The following STPG2 variants were observed in gnomAD, a reference collection of about 807,000 sequenced individuals.
The protein encoded by STPG2 is sperm-tail PG-rich repeat-containing protein 2.
A neutral mutation model predicts 54.2 loss-of-function variants in STPG2; 56 were observed. That is an observed-to-expected ratio of 1.03 (90% CI 0.83 to 1.29). The LOEUF is 1.29. Among genes scored for constraint, STPG2 ranks in the 50% most tolerant of loss-of-function variants. STPG2 has a pLI of 0.00. For missense variants in STPG2, 596 were observed against 544.9 expected (o/e 1.09, Z -0.93); for synonymous variants, 200 against 181.8 (o/e 1.10, Z -0.81).
intron 9 of STPG2, among the ~76,000 whole-genome samples, chr4:97,810,083 A>C (rs1325582204): frequency 6.6e-6 from 1 of 152,228 alleles, no homozygotes; most frequent in Non-Finnish European, 1.5e-5. Flanking sequence ...CAGAAATAAC[A>C]CATAAATTAA....
downstream of STPG2, among the ~76,000 whole-genome samples, chr4:97,557,856 A>G (rs1195218028): frequency 6.6e-6 from 1 of 152,222 alleles, no homozygotes; most frequent in Non-Finnish European, 1.5e-5. Context: ...GCAGATACTA[A>G]GAGTTTCTTG....
intron 5 of STPG2, among the ~76,000 whole-genome samples, chr4:98,019,732 C>A (rs1421621835): frequency 8.0e-6 from 1 of 125,316 alleles, no homozygotes; most frequent in Middle Eastern, 4.3e-3. Context: ...AGGTCCTTCA[C>A]GTCCCTCGTA....
At chr4:97,459,053 C>T (rs934073186) in intron 4 of STPG2, among the ~76,000 whole-genome samples, 11 of 151,770 alleles carry the variant, frequency 7.2e-5, no homozygotes, top group Non-Finnish European at 1.3e-4. Context: ...GAGATACATG[C>T]GAAAGTATTT....
intron 8 of STPG2, among the ~76,000 whole-genome samples, chr4:97,914,275 C>G (rs1014846606): frequency 6.6e-6 from 1 of 152,100 alleles, no homozygotes; most frequent in African/African-American, 2.4e-5. Flanking sequence ...TGAGGATTCT[C>G]TGAAGCCCAA....
At chr4:97,927,683 C>A (rs1732387359) in intron 8 of STPG2, among the ~76,000 whole-genome samples, 1 of 151,972 alleles carries the variant, frequency 6.6e-6, no homozygotes, top group East Asian at 1.9e-4. Flanking sequence ...AGGAAAGTGC[C>A]ATGAAATCAC....
At chr4:97,856,423 T>C (rs1236766235) in intron 8 of STPG2, among the ~76,000 whole-genome samples, 1 of 152,188 alleles carries the variant, frequency 6.6e-6, no homozygotes, top group Non-Finnish European at 1.5e-5. Context: ...TTTGTAACAA[T>C]TGTGAATAGG....
chr4:97,822,763 T>C (rs1439030754), intron 9 of STPG2, among the ~76,000 whole-genome samples: 1 of 152,132 alleles, frequency 6.6e-6, no homozygotes, highest in East Asian at 1.9e-4. Flanking sequence ...CCAGATCTCA[T>C]AAATCACTCA....
chr4:97,734,427 A>G (rs1162138380), intron 9 of STPG2, among the ~76,000 whole-genome samples: 2 of 151,216 alleles, frequency 1.3e-5, no homozygotes, highest in African/African-American at 2.4e-5. Flanking sequence ...CCCAACCTCC[A>G]CTCTCCAATG....
intron 4 of STPG2, among the ~76,000 whole-genome samples, chr4:97,549,660 A>G (rs1267986914): frequency 6.6e-6 from 1 of 152,208 alleles, no homozygotes; most frequent in East Asian, 1.9e-4. Context: ...GAATCTAACA[A>G]TAAGTTCCTT....
Position 97,558,901 on chromosome 4 carries a change from G to A in STPG2, c.*157C>T, listed in dbSNP as rs1231742152. On this transcript the variant is annotated 3_prime_UTR_variant, in exon 11 of 11. Transcript: ENST00000295268. The stretch of plus-strand genomic sequence containing the variant: ...GTCTTAACAAGGTTTATTTCTCCGT[G>A]GTTGTGTCATATAGTCACTAAAGCC... 1.0e-5 allele frequency: 6 copies of A among 600,250 alleles called. No homozygotes were observed. Among genetic ancestry groups the A allele is most frequent in the Non-Finnish European group, 1.8e-5 (6 of 338,552 alleles). The allele number at this position is 600,250 out of a possible 1,614,324, so 37.2% of individuals were successfully genotyped here.
chr4:97,850,155 G>A (rs994382783), intron 8 of STPG2, among the ~76,000 whole-genome samples: 7 of 148,682 alleles, frequency 4.7e-5, no homozygotes, highest in African/African-American at 1.7e-4. Context: ...ATCATTCTCA[G>A]TAAACTATCG....
intron 3 of STPG2, among the ~76,000 whole-genome samples, chr4:98,125,070 C>T (rs1739792288): frequency 6.6e-6 from 1 of 152,150 alleles, no homozygotes; most frequent in Non-Finnish European, 1.5e-5. Flanking sequence ...TGGTTAGCAG[C>T]TCCTATAGTT....
At position 98,109,261 on chromosome 4, in the gene STPG2, G is replaced by T; in HGVS notation, c.432C>A (p.Gly144=). ...GTAACTCTTGTCTTCCTGAAGAGTTGCCAAAATGTATACCTTTGTATTTCA... is the reference window on the plus strand; with the variant it reads ...GTAACTCTTGTCTTCCTGAAGAGTTTCCAAAATGTATACCTTTGTATTTCA... ...ATLKYKGIHF[G]NSSGRQELPK... is the part of the protein sequence containing the mutation. The change falls in exon 4 of 11, where the codon GGC becomes GGA. Residue 144 remains glycine, a synonymous_variant. Coordinates refer to ENST00000295268, the MANE Select transcript of STPG2 (RefSeq NM_174952.3). 6.2e-7 allele frequency: 1 copy of T among 1,610,982 alleles called. No individual in the cohort carries two copies. The highest frequency in any genetic ancestry group is 8.5e-7 in the Non-Finnish European group (1 of 1,178,418).
chr4:97,740,533 T>C (rs1417482052), intron 9 of STPG2, among the ~76,000 whole-genome samples: 15 of 152,198 alleles, frequency 9.9e-5, no homozygotes, highest in Non-Finnish European at 1.8e-4. Flanking sequence ...ACAAAATCAA[T>C]GTACAAAAAT....
At chr4:97,562,902 T>G (rs993125347) in intron 10 of STPG2, among the ~76,000 whole-genome samples, 34 of 152,200 alleles carry the variant, frequency 2.2e-4, no homozygotes, top group Admixed American at 2.2e-3. Flanking sequence ...TCTAATATTC[T>G]CTTTTTTGGT....
chr4:97,911,105 C>A (rs540223892), intron 8 of STPG2, among the ~76,000 whole-genome samples: 1 of 152,192 alleles, frequency 6.6e-6, no homozygotes, highest in Non-Finnish European at 1.5e-5. Context: ...ATTGTGCGAC[C>A]CTGCCTGGGA....
intron 9 of STPG2, among the ~76,000 whole-genome samples, chr4:97,739,593 C>A (rs1426448108): frequency 2.0e-5 from 3 of 152,190 alleles, no homozygotes; most frequent in Non-Finnish European, 2.9e-5. Context: ...CACCTCTACG[C>A]AAATAAACTA....
chr4:97,626,398 T>C (rs1446004275), intron 10 of STPG2, among the ~76,000 whole-genome samples: 1 of 152,192 alleles, frequency 6.6e-6, no homozygotes, highest in Non-Finnish European at 1.5e-5. Flanking sequence ...TTATCTCCTT[T>C]ATGGAGTCTT....
At chr4:97,866,293 T>C (rs1380826772) in intron 8 of STPG2, among the ~76,000 whole-genome samples, 2 of 152,020 alleles carry the variant, frequency 1.3e-5, no homozygotes, top group African/African-American at 4.8e-5. Flanking sequence ...CTTGATGTGA[T>C]AAATACCTCA....
Sources: allele counts gnomAD v4.1 joint callset (sites outside exome capture counted in the v4.1 genomes callset), GRCh38; gene constraint gnomAD v4.1.1; transcripts MANE v1.5; gene names NCBI Gene and HGNC (gene_info 2026-07-23, HGNC 2026-07-21).